Variants in ZNF71 observed in about 807,000 individuals in gnomAD.
ZNF71 encodes the protein zinc finger protein 71.
Under a neutral mutation model 6.7 loss-of-function variants are expected in ZNF71, and 3 were observed. The observed-to-expected ratio is 0.45, with a 90% CI of 0.20 to 1.16. The LOEUF (loss-of-function observed/expected upper bound fraction) is 1.16, where lower values mean the gene tolerates loss of function less well. Ranked by LOEUF, ZNF71 falls within the 50% of genes most tolerant of loss-of-function variation. The pLI, the probability that ZNF71 is intolerant of heterozygous loss-of-function variation, is 0.25. For synonymous variants in ZNF71, 343 were observed against 311.1 expected, an observed-to-expected ratio of 1.10 and a Z score of -1.08; for missense variants, 688 against 728.6, an observed-to-expected ratio of 0.94 and a Z score of 0.64.
Position 56,621,770 on chromosome 19 carries a change from C to T in ZNF71, c.663C>T (p.Asp221=), listed in dbSNP as rs762287027. 4.3e-6 allele frequency: 7 copies of T among 1,613,970 alleles called. No individual in the cohort carries two copies. Among genetic ancestry groups the T allele is most frequent in the Non-Finnish European group, 5.1e-6 (6 of 1,180,010 alleles). The change falls in exon 4 of 4, where the codon GAC becomes GAT. Residue 221 remains aspartate, a synonymous_variant. Coordinates refer to ENST00000599599, the MANE Select transcript of ZNF71 (RefSeq NM_001370215.1). ...IHTGEKPFEC[D]TCGKHFIERS... is the part of the protein sequence containing the mutation. ...CGGGAGAAAAGCCGTTTGAGTGTGA[C>T]ACCTGTGGGAAGCACTTCATCGAGC...
At chr19:56,600,814 C>T (rs1201942222) in intron 1 of ZNF71, among the ~76,000 whole-genome samples, 1 of 152,154 alleles carries the variant, frequency 6.6e-6, no homozygotes, top group Non-Finnish European at 1.5e-5. Flanking sequence ...TTATCCTGAG[C>T]TTGTCAGGAG....
chr19:56,596,921 C>T (rs1423989753), intron 1 of ZNF71, among the ~76,000 whole-genome samples: 1 of 152,134 alleles, frequency 6.6e-6, no homozygotes, highest in African/African-American at 2.4e-5. Flanking sequence ...CCAAAAAGCT[C>T]AGAGGAAGAA....
intron 1 of ZNF71, among the ~76,000 whole-genome samples, chr19:56,601,030 C>T (rs887292818): frequency 6.6e-6 from 1 of 152,030 alleles, no homozygotes; most frequent in Admixed American, 6.6e-5. Flanking sequence ...AGGAGGGATC[C>T]GGGCAGGGCC....
intron 3 of ZNF71, among the ~76,000 whole-genome samples, chr19:56,619,175 T>G (rs2044822449): frequency 6.6e-6 from 1 of 152,178 alleles, no homozygotes; most frequent in Admixed American, 6.5e-5. Context: ...GAACATAAAA[T>G]GTACCATTTT....
chr19:56,602,566 G>T (rs2044679294), intron 2 of ZNF71, among the ~76,000 whole-genome samples: 1 of 152,324 alleles, frequency 6.6e-6, no homozygotes, highest in African/African-American at 2.4e-5. Flanking sequence ...CCTGATAGGG[G>T]ACAAATGGTG....
In ZNF71 at chr19:56,613,725, C is replaced by G; in HGVS notation, c.34-87C>G. ...CTTCAGCTACATCCCATCTGCCTCC[C>G]CTAAATCCTCTTGGCTTTTCTGGCC... On this transcript the variant is annotated intron_variant, in intron 2 of 3. Coordinates refer to ENST00000599599, the MANE Select transcript of ZNF71 (RefSeq NM_001370215.1). This position sits in a 1 kb window ranked among gnomAD's most constrained non-coding sequence, Gnocchi z 4.6. 2 of 1,031,160 alleles carry G rather than the reference C, an allele frequency of 1.9e-6. No individual in the cohort carries two copies. The highest frequency in any genetic ancestry group is 2.4e-6 in the Non-Finnish European group (2 of 842,930). The allele number at this position is 1,031,160 out of a possible 1,614,324, so 63.9% of individuals were successfully genotyped here.
At chr19:56,616,560 C>G (rs937321194) in intron 3 of ZNF71, among the ~76,000 whole-genome samples, 1 of 152,252 alleles carries the variant, frequency 6.6e-6, no homozygotes, top group African/African-American at 2.4e-5. Flanking sequence ...GTTCCCAGCC[C>G]TGTGTCAGCT....
chr19:56,618,952 G>A lies in ZNF71; in HGVS notation c.161-2316G>A, dbSNP rs2148018716. ...AATGGGGTGGGGAGGACAGAGAGGA[G>A]CTGCTGTCGCATTTCAGGCAAGGAC... On this transcript the variant is annotated intron_variant, in intron 3 of 3. Coordinates refer to ENST00000599599, the MANE Select transcript of ZNF71 (RefSeq NM_001370215.1). This position sits in a 1 kb window ranked among gnomAD's most constrained non-coding sequence, Gnocchi z 4.6. Among the ~76,000 whole-genome samples, 1 of 152,228 alleles carries A rather than the reference G, an allele frequency of 6.6e-6. No individual in the cohort carries two copies. Among genetic ancestry groups the A allele is most frequent in the South Asian group, 2.1e-4 (1 of 4,818 alleles).
chr19:56,618,405 C>A lies in ZNF71; in HGVS notation c.161-2863C>A, dbSNP rs1045525503. Among the ~76,000 whole-genome samples, 2 of 152,222 alleles carry A rather than the reference C, an allele frequency of 1.3e-5. No individual in the cohort carries two copies. The highest frequency in any genetic ancestry group is 2.9e-5 in the Non-Finnish European group (2 of 68,046). The stretch of plus-strand genomic sequence containing the variant: ...CACTGTGCCAGGCGTGTTGCCAGTG[C>A]TCCATACTCGCTTATCTGGTACCTT... On this transcript the variant is annotated intron_variant, in intron 3 of 3. Coordinates refer to ENST00000599599, the MANE Select transcript of ZNF71 (RefSeq NM_001370215.1). The surrounding 1 kb of genome is among the most constrained non-coding windows in gnomAD (Gnocchi z 4.6).
intron 3 of ZNF71, among the ~76,000 whole-genome samples, chr19:56,614,416 T>C (rs767394041): frequency 1.3e-5 from 2 of 152,346 alleles, no homozygotes; most frequent in South Asian, 4.1e-4. Flanking sequence ...TTTTGGAGGA[T>C]AGCTTGGCCT....
intron 2 of ZNF71, among the ~76,000 whole-genome samples, chr19:56,608,092 T>C (rs945290816): frequency 1.3e-5 from 2 of 152,198 alleles, no homozygotes; most frequent in African/African-American, 4.8e-5. Flanking sequence ...TTTTGTCTTT[T>C]TTTTTCCCCC....
intron 2 of ZNF71, among the ~76,000 whole-genome samples, chr19:56,607,107 A>T (rs2044715906): frequency 1.3e-5 from 2 of 152,234 alleles, no homozygotes; most frequent in Admixed American, 1.3e-4. Flanking sequence ...CCAGAAAAGC[A>T]TGGTTGAATT....
chr19:56,617,112 G>GTTTTGTTTTTTTTTTTT (rs1555776017), intron 3 of ZNF71, among the ~76,000 whole-genome samples: 1 of 140,646 alleles, frequency 7.1e-6, no homozygotes, highest in South Asian at 2.3e-4. Context: ...ATTTTCTTTT[G>GTTTTGTTTTTTTTTTTT]TTTTTTTTTG....
intron 2 of ZNF71, among the ~76,000 whole-genome samples, 167 bp downstream of exon 2, chr19:56,601,758 G>A (rs1054941584): frequency 2.6e-5 from 4 of 152,122 alleles, no homozygotes; most frequent in African/African-American, 9.7e-5. Context: ...TGGCTGTGGG[G>A]TCAGTTGTAG....
Position 56,595,847 on chromosome 19 carries a change from GTGTGTT to G in ZNF71, c.-53+425_-53+430del, listed in dbSNP as rs1262074542. Among the ~76,000 whole-genome samples the G allele has an allele frequency of 8.1e-4, 99 of 121,912 alleles. 1 individual carries two copies. The East Asian group carries it at 0.011, about 14-fold the overall frequency. 80.0% of individuals were successfully genotyped at this position (121,912 alleles called of 152,430 possible). A position where few individuals can be genotyped will look rare whatever the true frequency, so the allele number is the denominator to read the frequency against. ...GTCTCTGGATATTGTGATTGTGTGTGTGTGTTTGTGTGTGTGTGTGTGTGTGTGTGT... is the reference window on the plus strand; with the variant it reads ...GTCTCTGGATATTGTGATTGTGTGTGTGTGTGTGTGTGTGTGTGTGTGTGT... On this transcript the variant is annotated intron_variant, in intron 1 of 3. Transcript: ENST00000599599.
rs569274448 is a variant in ZNF71, at chr19:56,618,988, C to A, written c.161-2280C>A. Among the ~76,000 whole-genome samples the A allele has an allele frequency of 6.6e-6, 1 of 152,230 alleles. No homozygotes were observed. The highest frequency in any genetic ancestry group is 1.9e-4 in the East Asian group (1 of 5,170). ...ATTTCAGGCAAGGACCCGTGGTGGC[C>A]AGCCGGCTTTTTGTCAGTGGGGACC... On this transcript the variant is annotated intron_variant, in intron 3 of 3. Transcript: ENST00000599599. The surrounding 1 kb of genome is among the most constrained non-coding windows in gnomAD (Gnocchi z 4.6).
At chr19:56,616,970 C>T (rs1001512187) in intron 3 of ZNF71, among the ~76,000 whole-genome samples, 3 of 152,154 alleles carry the variant, frequency 2.0e-5, no homozygotes, top group Non-Finnish European at 4.4e-5. Context: ...GGAATCTTAT[C>T]CTTTATACTC....
rs949987861 is a variant in ZNF71, at chr19:56,618,191, G to A, written c.161-3077G>A. Reference sequence around the variant, plus strand: ...AGCCACTCCTCAGGAGCCACAGCTCGGGGGCCACACTGCCAGGGCTTGAAT... The same window carrying A: ...AGCCACTCCTCAGGAGCCACAGCTCAGGGGCCACACTGCCAGGGCTTGAAT... On this transcript the variant is annotated intron_variant, in intron 3 of 3. Transcript: ENST00000599599. This position sits in a 1 kb window ranked among gnomAD's most constrained non-coding sequence, Gnocchi z 4.6. 2.0e-5 allele frequency among the ~76,000 whole-genome samples: 3 copies of A among 152,192 alleles called. No homozygotes were observed. The highest frequency in any genetic ancestry group is 1.9e-4 in the East Asian group (1 of 5,196).
intron 1 of ZNF71, among the ~76,000 whole-genome samples, chr19:56,596,798 A>G (rs2044628943): frequency 6.6e-6 from 1 of 152,142 alleles, no homozygotes; most frequent in African/African-American, 2.4e-5. Context: ...TAACCACCAG[A>G]CAAATGGGAG....
Sources: gnomAD v4.1 joint callset for allele counts (sites outside exome capture counted in the v4.1 genomes callset) on GRCh38, gnomAD v4.1.1 for gene constraint, Gnocchi (gnomAD v3.1) non-coding constraint, MANE v1.5 for transcripts, NCBI Gene and HGNC (gene_info 2026-07-23, HGNC 2026-07-21) for gene names.